Variants in PCDHGA2 observed in about 807,000 individuals in gnomAD.
The protein encoded by PCDHGA2 is protocadherin gamma-A2.
Under a neutral mutation model 59.2 loss-of-function variants are expected in PCDHGA2, and 40 were observed. The observed-to-expected ratio is 0.68, with a 90% CI of 0.52 to 0.88. The LOEUF (loss-of-function observed/expected upper bound fraction) is 0.88. Ranked by LOEUF, PCDHGA2 falls within the 40% of genes least tolerant of loss-of-function variation. The pLI is 0.00. For synonymous variants in PCDHGA2, 560 were observed against 526.0 expected, an observed-to-expected ratio of 1.06 and a Z score of -0.89; for missense variants, 1,226 against 1,204.0, an observed-to-expected ratio of 1.02 and a Z score of -0.27.
Position 141,431,547 on chromosome 5 carries a change from T to C in PCDHGA2, c.2425-63260T>C. On this transcript the variant is annotated intron_variant, in intron 1 of 3. Transcript: ENST00000394576. The surrounding 1 kb of genome is among the most constrained non-coding windows in gnomAD (Gnocchi z 4.8). ...CTGGCCTTGGGCACGCAGCTGCTTG[T>C]AGTCAACGCTACCGACCCTGACGAA... The C allele has an allele frequency of 1.2e-6, 2 of 1,614,096 alleles. No homozygotes were observed. The highest frequency in any genetic ancestry group is 2.2e-5 in the East Asian group (1 of 44,882).
intron 1 of PCDHGA2, chr5:141,375,733 G>C: frequency 6.2e-7 from 1 of 1,614,248 alleles, no homozygotes; most frequent in South Asian, 1.1e-5. Context: ...CACTGAGCCT[G>C]TTTGTGCTGG....
intron 1 of PCDHGA2, chr5:141,423,601 C>A (rs372165060): frequency 1.9e-6 from 3 of 1,612,704 alleles, no homozygotes; most frequent in Non-Finnish European, 2.5e-6. Flanking sequence ...AAGCGAGCCA[C>A]TCTTGATAGC....
chr5:141,340,651 C>G lies in PCDHGA2; in HGVS notation c.1680C>G (p.Pro560=), dbSNP rs1756969460. Residue 560 remains proline, a synonymous_variant, in exon 1 of 4, where the codon CCC becomes CCG. Transcript: ENST00000394576. ...LFVLDQNDNA[P]EILYPAFPTD... ...TGCTGGACCAGAACGACAACGCGCC[C>G]GAGATCCTGTACCCTGCCTTCCCCA... 1.9e-6 allele frequency: 3 copies of G among 1,614,220 alleles called. No individual in the cohort carries two copies. The highest frequency in any genetic ancestry group is 2.2e-5 in the South Asian group (2 of 91,082).
chr5:141,439,333 G>A (rs964224344), intron 1 of PCDHGA2, among the ~76,000 whole-genome samples: 1 of 152,154 alleles, frequency 6.6e-6, no homozygotes, highest in Non-Finnish European at 1.5e-5. Flanking sequence ...TGGAAAGAAA[G>A]ATTCTAAGCC....
chr5:141,364,827 C>G (rs1444045845), intron 1 of PCDHGA2: 1 of 1,613,996 alleles, frequency 6.2e-7, no homozygotes, highest in Non-Finnish European at 8.5e-7. Context: ...GGTGTGAACT[C>G]TCTCCGGAGT....
At chr5:141,384,573 C>A in intron 1 of PCDHGA2, 1 of 1,614,250 alleles carries the variant, frequency 6.2e-7, no homozygotes, top group Non-Finnish European at 8.5e-7. Context: ...AGAATGACAA[C>A]CCGCCCGAGA....
At chr5:141,360,101 C>G in intron 1 of PCDHGA2, 1 of 1,533,062 alleles carries the variant, frequency 6.5e-7, no homozygotes, top group East Asian at 2.4e-5. Context: ...AAGGCTTATT[C>G]CTCCTATGGG....
Position 141,394,128 on chromosome 5 carries a change from G to A in PCDHGA2, c.2424+52733G>A, listed in dbSNP as rs371610257. 2.0e-5 allele frequency: 32 copies of A among 1,613,612 alleles called. No homozygotes were observed. The highest frequency in any genetic ancestry group is 4.0e-5 in the African/African-American group (3 of 74,844). ...ACCTCTGTCCACTGAAACTCAAATC[G>A]CTCTGCACGTGGCAGACATTAACGA... On this transcript the variant is annotated intron_variant, in intron 1 of 3. Transcript: ENST00000394576.
At chr5:141,459,108 A>G (rs1240280274) in intron 1 of PCDHGA2, among the ~76,000 whole-genome samples, 1 of 152,216 alleles carries the variant, frequency 6.6e-6, no homozygotes, top group Non-Finnish European at 1.5e-5. Flanking sequence ...ATGCATTTTG[A>G]CAATTGTTTA....
intron 1 of PCDHGA2, chr5:141,343,410 C>A: frequency 6.2e-6 from 6 of 972,146 alleles, no homozygotes; most frequent in Non-Finnish European, 7.3e-6. Flanking sequence ...TATCAAATAA[C>A]CCTGATAAAT....
At chr5:141,410,063 C>CTGCGCACTGGGGAGG (rs2095353294) in intron 1 of PCDHGA2, 2 of 1,612,972 alleles carry the variant, frequency 1.2e-6, no homozygotes, top group Non-Finnish European at 1.7e-6. Context: ...CAGCCTGGGG[C>CTGCGCACTGGGGAGG]TGCGCACTGG....
At chr5:141,408,373 T>C in intron 1 of PCDHGA2, 1 of 1,613,952 alleles carries the variant, frequency 6.2e-7, no homozygotes, top group Non-Finnish European at 8.5e-7. Flanking sequence ...TAGGGCTCAG[T>C]GTCCTGGATG....
Position 141,432,806 on chromosome 5 carries a change from A to G in PCDHGA2, c.2425-62001A>G, listed in dbSNP as rs755248654. 12 of 1,614,070 alleles carry G rather than the reference A, an allele frequency of 7.4e-6. No individual in the cohort carries two copies. Among genetic ancestry groups the G allele is most frequent in the Non-Finnish European group, 9.3e-6 (11 of 1,179,972 alleles). On this transcript the variant is annotated intron_variant, in intron 1 of 3. Transcript: ENST00000394576. This position sits in a 1 kb window ranked among gnomAD's most constrained non-coding sequence, Gnocchi z 6.0. ...CCTCGGCAGCCTCGAGTCTCCAGCT[A>G]ACTCTGAAACCTCAGACCTCACTCT...
chr5:141,445,576 G>A (rs1459010134), intron 1 of PCDHGA2, among the ~76,000 whole-genome samples: 1 of 152,158 alleles, frequency 6.6e-6, no homozygotes, highest in Non-Finnish European at 1.5e-5. Flanking sequence ...TTATAGTAGG[G>A]AAGCTTCGCC....
At chr5:141,387,837 T>G (rs2091115137) in intron 1 of PCDHGA2, 1 of 1,597,490 alleles carries the variant, frequency 6.3e-7, no homozygotes, top group African/African-American at 1.3e-5. Flanking sequence ...AGGTTATTTG[T>G]AACCCGGCGT....
chr5:141,358,858 G>C (rs1269270385), intron 1 of PCDHGA2, among the ~76,000 whole-genome samples: 2 of 152,182 alleles, frequency 1.3e-5, no homozygotes, highest in Admixed American at 6.5e-5. Context: ...ATTGCTTTCA[G>C]ATATTTCTGT....
At position 141,461,820 on chromosome 5, in the gene PCDHGA2, AT is replaced by A. The variant is rs1458631685; in HGVS notation, c.2425-32978del. Among the ~76,000 whole-genome samples the A allele has an allele frequency of 8.1e-5, 12 of 147,918 alleles. 1 individual carries two copies. In the South Asian group the frequency reaches 1.3e-3, roughly 16 times the overall value. On this transcript the variant is annotated intron_variant, in intron 1 of 3. Transcript: ENST00000394576. ...AGGTGCCCACCACCACACCCAGCTAATTTTTTTTTCTTTTTTTTTTGAGACA... is the reference window on the plus strand; with the variant it reads ...AGGTGCCCACCACCACACCCAGCTAATTTTTTTTCTTTTTTTTTTGAGACA...
intron 1 of PCDHGA2, among the ~76,000 whole-genome samples, chr5:141,397,737 C>T (rs2093564219): frequency 6.6e-6 from 1 of 152,164 alleles, no homozygotes. Flanking sequence ...GAGAAAGATA[C>T]CTTAAAGAAG....
chr5:141,343,787 G>GT, intron 1 of PCDHGA2: 1 of 429,728 alleles, frequency 2.3e-6, no homozygotes, highest in South Asian at 5.6e-5. Flanking sequence ...TAGTGTCGCT[G>GT]TTGACCACTC....
Sources: gnomAD v4.1 joint callset for allele counts (sites outside exome capture counted in the v4.1 genomes callset) on GRCh38, gnomAD v4.1.1 for gene constraint, Gnocchi (gnomAD v3.1) non-coding constraint, MANE v1.5 for transcripts, NCBI Gene and HGNC (gene_info 2026-07-23, HGNC 2026-07-21) for gene names.